Variants in GRIP1 observed in about 807,000 individuals in gnomAD.
GRIP1 encodes glutamate receptor-interacting protein 1.
Under a neutral mutation model 129.9 loss-of-function variants are expected in GRIP1, and 45 were observed. The observed-to-expected ratio is 0.35, with a 90% CI of 0.27 to 0.44. The LOEUF is 0.44. GRIP1 is among the 20% of genes least tolerant of loss of function. The probability of loss-of-function intolerance (pLI) is 1.00; values close to 1 mark genes in which losing one functional copy is unlikely to be tolerated. For missense variants in GRIP1, 1,196 were observed against 1,396.8 expected (o/e 0.86, Z 2.29); for synonymous variants, 530 against 520.8 (o/e 1.02, Z -0.24).
chr12:66,801,381 TATC>T (rs2038854853), intron 1 of GRIP1, among the ~76,000 whole-genome samples: 1 of 152,182 alleles, frequency 6.6e-6, no homozygotes, highest in Admixed American at 6.5e-5. Context: ...AAAATCATTC[TATC>T]ATCATTGTCA....
chr12:66,940,684 C>A (rs1480194387), intron 1 of GRIP1, among the ~76,000 whole-genome samples: 8 of 152,126 alleles, frequency 5.3e-5, no homozygotes. Context: ...GGAAAATCAT[C>A]AGGGTCATTA....
chr12:66,820,139 G>A (rs748874817), intron 1 of GRIP1, among the ~76,000 whole-genome samples: 19 of 152,136 alleles, frequency 1.2e-4, no homozygotes, highest in African/African-American at 2.4e-4. Flanking sequence ...GGCTGGGCAC[G>A]GTGGCTCACG....
At chr12:66,473,447 C>A (rs1398971060) in intron 7 of GRIP1, among the ~76,000 whole-genome samples, 1 of 152,196 alleles carries the variant, frequency 6.6e-6, no homozygotes, top group African/African-American at 2.4e-5. Context: ...AAGAGAGCAG[C>A]AGATCTCCCA....
intron 1 of GRIP1, among the ~76,000 whole-genome samples, chr12:66,910,789 G>C (rs1422929302): frequency 6.6e-6 from 1 of 152,044 alleles, no homozygotes; most frequent in Non-Finnish European, 1.5e-5. Flanking sequence ...TATGTCCCTA[G>C]AAGTTCTTCA....
chr12:66,423,014 C>T (rs1038081855), intron 14 of GRIP1, among the ~76,000 whole-genome samples: 1 of 152,162 alleles, frequency 6.6e-6, no homozygotes, highest in Non-Finnish European at 1.5e-5. Context: ...ACCAAGCATG[C>T]TTTGCTTGGC....
chr12:66,786,282 G>C (rs1199880220), intron 1 of GRIP1, among the ~76,000 whole-genome samples: 2 of 152,082 alleles, frequency 1.3e-5, no homozygotes, highest in African/African-American at 4.8e-5. Context: ...CAATACACAT[G>C]GTCAGATAGA....
At chr12:66,856,278 A>T (rs369032927) in intron 1 of GRIP1, among the ~76,000 whole-genome samples, 1 of 152,264 alleles carries the variant, frequency 6.6e-6, no homozygotes, top group East Asian at 1.9e-4. Flanking sequence ...CCTAAAAGAA[A>T]ACCTAGGCAA....
intron 1 of GRIP1, among the ~76,000 whole-genome samples, chr12:66,774,988 C>T (rs1427419818): frequency 6.6e-6 from 1 of 152,150 alleles, no homozygotes; most frequent in Non-Finnish European, 1.5e-5. Context: ...CTGTGCAAGC[C>T]TCTCATTTCA....
intron 1 of GRIP1, among the ~76,000 whole-genome samples, chr12:66,990,081 TG>T: frequency 6.6e-6 from 1 of 152,194 alleles, no homozygotes; most frequent in Non-Finnish European, 1.5e-5. Context: ...TTAAAAGGGA[TG>T]GTACATAAGA....
chr12:66,878,494 G>A (rs1216629898), intron 1 of GRIP1, among the ~76,000 whole-genome samples: 2 of 152,012 alleles, frequency 1.3e-5, no homozygotes, highest in African/African-American at 4.8e-5. Flanking sequence ...AGATTGGAGT[G>A]ATGATGTTAG....
chr12:66,580,365 C>T (rs2063326854), intron 2 of GRIP1, among the ~76,000 whole-genome samples: 1 of 149,702 alleles, frequency 6.7e-6, no homozygotes, highest in Non-Finnish European at 1.5e-5. Context: ...AGCAAAATCA[C>T]CAGCTAACAT....
At chr12:66,435,202 A>ATTTT (rs35281910) in intron 13 of GRIP1, among the ~76,000 whole-genome samples, 7 of 139,454 alleles carry the variant, frequency 5.0e-5, no homozygotes, top group Admixed American at 7.3e-5. Context: ...ACGTGTGACC[A>ATTTT]TTTTTTTTTT....
At chr12:66,558,022 T>C (rs1274070632) in intron 2 of GRIP1, among the ~76,000 whole-genome samples, 1 of 152,170 alleles carries the variant, frequency 6.6e-6, no homozygotes, top group East Asian at 1.9e-4. Context: ...TTGTTTCTTT[T>C]CTTTAAAGTT....
At chr12:67,002,939 C>A (rs1245771952) in intron 1 of GRIP1, among the ~76,000 whole-genome samples, 5 of 152,174 alleles carry the variant, frequency 3.3e-5, no homozygotes, top group Non-Finnish European at 7.3e-5. Context: ...CCCTGCCCAG[C>A]AGCACCTTGG....
intron 1 of GRIP1, among the ~76,000 whole-genome samples, chr12:66,867,723 C>T (rs1484220250): frequency 1.3e-5 from 2 of 152,074 alleles, no homozygotes; most frequent in Non-Finnish European, 2.9e-5. Context: ...TTCTAAGGTG[C>T]TTTTAATTAA....
Position 66,919,826 on chromosome 12 carries a change from C to T in GRIP1, c.58+149224G>A, listed in dbSNP as rs184984317. The stretch of plus-strand genomic sequence containing the variant: ...ATAAAGAGCTGGAGATACGTTAAGG[C>T]AATATTATAAATTTTTGTTAAATGC... On this transcript the variant is annotated intron_variant, in intron 1 of 1. Coordinates refer to the GRIP1 transcript ENST00000643019. Among the ~76,000 whole-genome samples the T allele has an allele frequency of 6.3e-4, 96 of 152,212 alleles. 2 individuals are homozygous for T. The Middle Eastern group carries it at 0.024, about 38-fold the overall frequency.
intron 1 of GRIP1, among the ~76,000 whole-genome samples, chr12:66,943,890 G>A (rs2041626445): frequency 6.6e-6 from 1 of 152,184 alleles, no homozygotes; most frequent in Admixed American, 6.5e-5. Context: ...AGGCAGCAGA[G>A]TCCTATATAA....
At chr12:66,383,059 G>C (rs916968476) in intron 19 of GRIP1, among the ~76,000 whole-genome samples, 2 of 152,096 alleles carry the variant, frequency 1.3e-5, no homozygotes, top group Non-Finnish European at 1.5e-5. Context: ...CACTTTGGGA[G>C]CCTGAGGCAG....
At chr12:66,641,622 T>G (rs1235370570) in intron 1 of GRIP1, among the ~76,000 whole-genome samples, 1 of 152,190 alleles carries the variant, frequency 6.6e-6, no homozygotes. Context: ...ACAGTTACAC[T>G]AGTAGAACTA....
Sources: gnomAD v4.1 joint callset for allele counts (sites outside exome capture counted in the v4.1 genomes callset) on GRCh38, gnomAD v4.1.1 for gene constraint, MANE v1.5 for transcripts, NCBI Gene and HGNC (gene_info 2026-07-23, HGNC 2026-07-21) for gene names.